ZNF461: variants seen among roughly 807,000 people sequenced by gnomAD.
The protein encoded by ZNF461 is zinc finger protein 461, also known as gonadotropin-inducible ovarian transcription factor-1.
Under a neutral mutation model 18.3 loss-of-function variants are expected in ZNF461, and 16 were observed. That is an observed-to-expected ratio of 0.88 (90% CI 0.59 to 1.33). The LOEUF (loss-of-function observed/expected upper bound fraction) is 1.33, where lower values mean the gene tolerates loss of function less well. ZNF461 is among the 40% of genes most tolerant of loss of function. The pLI, the probability that ZNF461 is intolerant of heterozygous loss-of-function variation, is 0.00. For missense variants in ZNF461, 595 were observed against 669.9 expected, an observed-to-expected ratio of 0.89 and a Z score of 1.23; for synonymous variants, 179 against 216.9, an observed-to-expected ratio of 0.83 and a Z score of 1.54.
At chr19:36,657,398 T>C (rs1432097529) in intron 3 of ZNF461, among the ~76,000 whole-genome samples, 1 of 151,806 alleles carries the variant, frequency 6.6e-6, no homozygotes, top group Non-Finnish European at 1.5e-5. Context: ...GGAGAATTGC[T>C]TGAACCTGGG....
chr19:36,643,241 A>G (rs3108610), intron 5 of ZNF461: 102,670 of 152,052 alleles, frequency 0.68, 35,029 homozygotes, highest in East Asian at 0.82. Context: ...CAGAAACCCC[A>G]AGCCTTCAAG....
intron 3 of ZNF461, among the ~76,000 whole-genome samples, chr19:36,657,008 G>A (rs560152381): frequency 3.3e-5 from 5 of 150,484 alleles, no homozygotes; most frequent in African/African-American, 1.2e-4. Flanking sequence ...TAGTAGAAAC[G>A]GGGTTTGGCC....
Position 36,656,654 on chromosome 19 carries a change from A to T in ZNF461, c.137-111T>A, listed in dbSNP as rs911070294. ...TCACAGATAAAAATGGTACTTGATAAGGGATACAGAGGAAATAAAGGAGAA... is the reference window on the plus strand; with the variant it reads ...TCACAGATAAAAATGGTACTTGATATGGGATACAGAGGAAATAAAGGAGAA... On this transcript the variant is annotated intron_variant, in intron 3 of 5. Coordinates refer to ENST00000588268, the MANE Select transcript of ZNF461 (RefSeq NM_153257.5). The T allele has an allele frequency of 1.3e-5, 10 of 765,478 alleles. No individual in the cohort carries two copies. The South Asian group carries it at 1.7e-4, about 13-fold the overall frequency. 47.4% of individuals were successfully genotyped at this position (765,478 alleles called of 1,614,324 possible).
At chr19:36,665,910 G>A (rs1438692234) in intron 1 of ZNF461, among the ~76,000 whole-genome samples, 1 of 151,890 alleles carries the variant, frequency 6.6e-6, no homozygotes, top group East Asian at 1.9e-4. Context: ...AAGTAGTCAG[G>A]AAAGGATGAG....
Position 36,638,605 on chromosome 19 carries a change from T to A in ZNF461, c.*48A>T. On this transcript the variant is annotated 3_prime_UTR_variant, in exon 6 of 6. Coordinates refer to ENST00000588268, the MANE Select transcript of ZNF461 (RefSeq NM_153257.5). ...CTAATGAAACTGGTGGCTTACCAACTTTTTCCTTAAATAAAACAAAGACAA... is the reference window on the plus strand; with the variant it reads ...CTAATGAAACTGGTGGCTTACCAACATTTTCCTTAAATAAAACAAAGACAA... The A allele has an allele frequency of 7.0e-7, 1 of 1,418,986 alleles. No homozygotes were observed. The highest frequency in any genetic ancestry group is 9.4e-7 in the Non-Finnish European group (1 of 1,065,100). The allele number at this position is 1,418,986 out of a possible 1,614,324, so 87.9% of individuals were successfully genotyped here.
In ZNF461 at chr19:36,642,114, A is replaced by G. The variant is rs533724575; in HGVS notation, c.301+1680T>C. Among the ~76,000 whole-genome samples the G allele has an allele frequency of 3.3e-3, 502 of 152,194 alleles. 3 individuals carry two copies. Among genetic ancestry groups the G allele is most frequent in the African/African-American group, 8.2e-3 (342 of 41,528 alleles). On this transcript the variant is annotated intron_variant, in intron 5 of 5. Transcript: ENST00000588268. The stretch of plus-strand genomic sequence containing the variant: ...TGCTAATTTTTAAATCATTTTTTGT[A>G]GAGAAAAGGCTCTCACTTTGTTGCC...
At position 36,643,846 on chromosome 19, in the gene ZNF461, C is replaced by G; in HGVS notation, c.249G>C (p.Trp83Cys). 1 of 1,536,044 alleles carries G rather than the reference C, an allele frequency of 6.5e-7. No homozygotes were observed. The highest frequency in any genetic ancestry group is 2.5e-5 in the East Asian group (1 of 40,158). Residue 83 changes from tryptophan to cysteine, a missense_variant, in exon 5 of 6, where the codon TGG becomes TGC. By Grantham distance (215) the Trp-to-Cys change is radical. Coordinates refer to ENST00000588268, the MANE Select transcript of ZNF461 (RefSeq NM_153257.5). ...GRWCPGTWKT[W>C]GFHNNFLDNN... is the part of the protein sequence containing the mutation. ...TGTCCAAGAAATTATTGTGAAATCC[C>G]CAAGTTTTCCATGTACCTACATGGA...
chr19:36,643,071 C>T (rs1284042286), intron 5 of ZNF461, among the ~76,000 whole-genome samples: 2 of 151,962 alleles, frequency 1.3e-5, no homozygotes, highest in African/African-American at 4.8e-5. Flanking sequence ...ACTCGGCCAG[C>T]GGACATGTTT....
At chr19:36,656,799 A>G (rs555509387) in intron 3 of ZNF461, among the ~76,000 whole-genome samples, 1 of 152,166 alleles carries the variant, frequency 6.6e-6, no homozygotes, top group South Asian at 2.1e-4. Flanking sequence ...AGGAAAAAAA[A>G]GAAGCTTCTT....
intron 4 of ZNF461, among the ~76,000 whole-genome samples, chr19:36,651,187 C>T (rs1000693327): frequency 7.2e-6 from 1 of 139,848 alleles, no homozygotes; most frequent in South Asian, 2.3e-4. Context: ...GCTGAGATTG[C>T]GTCACTGGAC....
chr19:36,656,717 TAACA>T (rs1365220426), intron 3 of ZNF461, among the ~76,000 whole-genome samples, 174 bp from the exon 4 acceptor site: 5 of 151,976 alleles, frequency 3.3e-5, no homozygotes, highest in South Asian at 2.1e-4. Flanking sequence ...CACAGGATCA[TAACA>T]AACAAAGCAA....
At chr19:36,640,196 A>G in intron 5 of ZNF461, 153 bp from the exon 6 acceptor site, 1 of 604,330 alleles carries the variant, frequency 1.7e-6, no homozygotes. Flanking sequence ...CAGGGAAATG[A>G]GAGCACTCAA....
At chr19:36,664,325 T>G (rs3108193) in intron 2 of ZNF461, among the ~76,000 whole-genome samples, 7 of 152,022 alleles carry the variant, frequency 4.6e-5, no homozygotes, top group Admixed American at 4.6e-4. Context: ...CAGGGGCTCA[T>G]GCCTGTAATC....
chr19:36,645,833 G>A (rs1442542242), intron 4 of ZNF461, among the ~76,000 whole-genome samples: 2 of 152,106 alleles, frequency 1.3e-5, no homozygotes, highest in Non-Finnish European at 2.9e-5. Flanking sequence ...TTCCCAAGCT[G>A]GAATGCAGTG....
In ZNF461 at chr19:36,639,804, G is replaced by C; in HGVS notation, c.541C>G (p.Leu181Val). The C allele has an allele frequency of 6.2e-7, 1 of 1,613,850 alleles. No individual in the cohort carries two copies. The change falls in exon 6 of 6, where the codon CTC becomes GTC. Residue 181 changes from leucine (L) to valine (V), a missense_variant. By Grantham distance (32) the Leu-to-Val change is conservative (BLOSUM62 1). Coordinates refer to ENST00000588268, the MANE Select transcript of ZNF461 (RefSeq NM_153257.5). ...NMPIFSQHTL[L>V]TQEFYDREKI... ...TCTCTATCATAAAATTCTTGAGTGA[G>C]TAAAGTATGTTGGCTAAAAATGGGC...
chr19:36,656,459 C>T lies in ZNF461; in HGVS notation c.221G>A (p.Arg74Lys), dbSNP rs1244021083. ...PWMVVREETG[R>K]WCPGTWKTWG... ...GCTTGCTCACTCACCTGGGCACCAT[C>T]TTCCTGTCTCTTCCCTCACAACCAT... The change falls in exon 4 of 6, where the codon AGA becomes AAA. Residue 74 changes from arginine (R) to lysine (K), a missense_variant. Physicochemically the swap from Arg to Lys is conservative, Grantham distance 26. Transcript: ENST00000588268. The T allele has an allele frequency of 6.2e-7, 1 of 1,614,152 alleles. No homozygotes were observed. Among genetic ancestry groups the T allele is most frequent in the East Asian group, 2.2e-5 (1 of 44,882 alleles).
intron 5 of ZNF461, among the ~76,000 whole-genome samples, chr19:36,642,612 C>A (rs1274897777): frequency 1.3e-5 from 2 of 151,464 alleles, no homozygotes; most frequent in East Asian, 3.9e-4. Context: ...TCAGAAATCA[C>A]AAAGTATTTC....
chr19:36,648,613 G>A (rs746152557), intron 4 of ZNF461, among the ~76,000 whole-genome samples: 5 of 151,776 alleles, frequency 3.3e-5, no homozygotes, highest in Admixed American at 6.6e-5. Flanking sequence ...ACTGAGTCTC[G>A]TTGTCACTCA....
intron 4 of ZNF461, among the ~76,000 whole-genome samples, chr19:36,655,756 A>G (rs1467315133): frequency 6.6e-6 from 1 of 152,186 alleles, no homozygotes; most frequent in Non-Finnish European, 1.5e-5. Context: ...ATCCAATGTC[A>G]TGAAGCTTTT....
Sources: gnomAD v4.1 joint callset for allele counts (sites outside exome capture counted in the v4.1 genomes callset) on GRCh38, gnomAD v4.1.1 for gene constraint, MANE v1.5 for transcripts, NCBI Gene and HGNC (gene_info 2026-07-23, HGNC 2026-07-21) for gene names.